Variants in POLK observed in about 807,000 individuals in gnomAD.
POLK encodes the protein DNA polymerase kappa.
A neutral mutation model predicts 94.0 loss-of-function variants in POLK; 76 were observed. The ratio of observed to expected loss-of-function variants is 0.81; its 90% CI spans 0.67 to 0.98. POLK has a LOEUF of 0.98. Ranked by LOEUF, POLK falls within the 50% of genes least tolerant of loss-of-function variation. The pLI is 0.00. For synonymous variants in POLK, 349 were observed against 325.4 expected, an observed-to-expected ratio of 1.07 and a Z score of -0.78; for missense variants, 954 against 1,010.1, an observed-to-expected ratio of 0.94 and a Z score of 0.75.
At chr5:75,572,775 C>T (rs1167675549) in intron 4 of POLK, among the ~76,000 whole-genome samples, 1 of 152,042 alleles carries the variant, frequency 6.6e-6, no homozygotes, top group Non-Finnish European at 1.5e-5. Flanking sequence ...AAAACAGTGG[C>T]CTATAATCAG....
At chr5:75,584,306 T>G (rs1772348185) in intron 8 of POLK, among the ~76,000 whole-genome samples, 1 of 152,186 alleles carries the variant, frequency 6.6e-6, no homozygotes, top group African/African-American at 2.4e-5. Flanking sequence ...TGAAATTCCA[T>G]GAAACGCTAG....
intron 1 of POLK, among the ~76,000 whole-genome samples, chr5:75,542,384 TA>T (rs1277491627): frequency 6.6e-6 from 1 of 151,962 alleles, no homozygotes; most frequent in Non-Finnish European, 1.5e-5. Flanking sequence ...ACTTTTGGTA[TA>T]TTTTGCATAT....
intron 3 of POLK, among the ~76,000 whole-genome samples, chr5:75,559,721 G>A (rs557638075): frequency 4.6e-5 from 7 of 151,336 alleles, no homozygotes; most frequent in South Asian, 4.2e-4. Context: ...AAAATTTTTC[G>A]TAGAGACAGG....
At chr5:75,557,125 A>G (rs918600358) in intron 3 of POLK, among the ~76,000 whole-genome samples, 2 of 152,228 alleles carry the variant, frequency 1.3e-5, no homozygotes, top group African/African-American at 4.8e-5. Flanking sequence ...CCTTTGTCAA[A>G]GACCAATTGT....
chr5:75,525,496 AAAC>A (rs966236829), intron 1 of POLK, among the ~76,000 whole-genome samples: 6 of 152,148 alleles, frequency 3.9e-5, no homozygotes, highest in African/African-American at 9.7e-5. Context: ...AAAAAATTAA[AAAC>A]AACAACAACA....
At chr5:75,540,283 AT>A (rs1394796650) in intron 1 of POLK, among the ~76,000 whole-genome samples, 4,512 of 142,948 alleles carry the variant, frequency 0.032, 185 homozygotes, top group African/African-American at 0.096. Flanking sequence ...TTCTGTTGTA[AT>A]TTTTTTTTTT....
At chr5:75,538,173 G>A (rs1769547957) in intron 1 of POLK, among the ~76,000 whole-genome samples, 1 of 152,094 alleles carries the variant, frequency 6.6e-6, no homozygotes, top group Admixed American at 6.6e-5. Flanking sequence ...TTATTTTTTA[G>A]TGTACTTTGT....
chr5:75,597,728 G>A lies in POLK; in HGVS notation c.2486-19G>A. 7.2e-7 allele frequency: 1 copy of A among 1,394,570 alleles called. No homozygotes were observed. Among genetic ancestry groups the A allele is most frequent in the Non-Finnish European group, 9.6e-7 (1 of 1,038,498 alleles). The allele number at this position is 1,394,570 out of a possible 1,614,324, so 86.4% of individuals were successfully genotyped here. A position where few individuals can be genotyped will look rare whatever the true frequency, so the allele number is the denominator to read the frequency against. ...CATATTATTCATTATGGAATTTCTT[G>A]ACTTTCTTTCCTCTAAAGGTAGCTC... On this transcript the variant is annotated intron_variant, in intron 13 of 14. Transcript: ENST00000241436.
At chr5:75,514,080 C>G (rs1409251068) in intron 1 of POLK, among the ~76,000 whole-genome samples, 1 of 151,912 alleles carries the variant, frequency 6.6e-6, no homozygotes, top group Non-Finnish European at 1.5e-5. Context: ...TTTTATAGAA[C>G]ATGTTGCTAT....
At chr5:75,607,264 C>G in the POLK span, among the ~76,000 whole-genome samples, 4 of 152,050 alleles carry the variant, frequency 2.6e-5, no homozygotes, top group South Asian at 2.1e-4. Flanking sequence ...GTCAGGAGTT[C>G]GAGACCAGCC....
chr5:75,515,593 T>C (rs1044571336), intron 1 of POLK, among the ~76,000 whole-genome samples: 1 of 152,262 alleles, frequency 6.6e-6, no homozygotes, highest in African/African-American at 2.4e-5. Context: ...ATCTCTTCAA[T>C]GTATTGATTT....
At chr5:75,514,561 C>T (rs750515337) in intron 1 of POLK, among the ~76,000 whole-genome samples, 16 of 152,212 alleles carry the variant, frequency 1.1e-4, no homozygotes, top group Non-Finnish European at 2.1e-4. Context: ...GCAAGGTAGA[C>T]ATTATTCTTA....
At chr5:75,553,715 T>G (rs1455316739) in intron 3 of POLK, among the ~76,000 whole-genome samples, 2 of 152,220 alleles carry the variant, frequency 1.3e-5, no homozygotes, top group Non-Finnish European at 2.9e-5. Flanking sequence ...GATGGTATCA[T>G]TTTACATTTT....
intron 1 of POLK, among the ~76,000 whole-genome samples, chr5:75,528,470 T>A (rs759340958): frequency 6.6e-6 from 1 of 152,162 alleles, no homozygotes; most frequent in Non-Finnish European, 1.5e-5. Flanking sequence ...AAATTTTTTG[T>A]AGCAAGCATG....
At chr5:75,530,679 ATTG>A (rs1302407200) in intron 1 of POLK, among the ~76,000 whole-genome samples, 2 of 151,542 alleles carry the variant, frequency 1.3e-5, no homozygotes, top group Non-Finnish European at 2.9e-5. Context: ...TAACTGATAT[ATTG>A]TTATTAATTT....
chr5:75,519,142 A>G (rs1768455470), intron 1 of POLK, among the ~76,000 whole-genome samples: 1 of 152,206 alleles, frequency 6.6e-6, no homozygotes, highest in Non-Finnish European at 1.5e-5. Context: ...AAGTCATTTG[A>G]TTTGAACTTA....
intron 9 of POLK, 142 bp from the exon 10 acceptor site, chr5:75,586,884 A>AT (rs1772499200): frequency 3.4e-6 from 2 of 591,918 alleles, no homozygotes; most frequent in East Asian, 3.1e-5. Flanking sequence ...TTGTTTTTAG[A>AT]TAAAAAACTG....
intron 5 of POLK, 62 bp from the exon 6 acceptor site, chr5:75,576,718 C>G: frequency 1.3e-6 from 1 of 785,946 alleles, no homozygotes; most frequent in Non-Finnish European, 1.9e-6. Flanking sequence ...TTATCAGCTA[C>G]ATATGACAGA....
intron 9 of POLK, among the ~76,000 whole-genome samples, chr5:75,585,467 TAAAC>T (rs1291566017): frequency 6.6e-6 from 1 of 151,974 alleles, no homozygotes; most frequent in Non-Finnish European, 1.5e-5. Context: ...AATAACCAAA[TAAAC>T]AAATGAAGAA....
Sources: gnomAD v4.1 joint callset for allele counts (sites outside exome capture counted in the v4.1 genomes callset) on GRCh38, gnomAD v4.1.1 for gene constraint, MANE v1.5 for transcripts, NCBI Gene and HGNC (gene_info 2026-07-23, HGNC 2026-07-21) for gene names.